The following KCNIP4 variants were observed in gnomAD, a reference collection of about 807,000 sequenced individuals.
The protein encoded by KCNIP4 is Kv channel-interacting protein 4.
In KCNIP4, 12 loss-of-function variants were observed where a neutral mutation model predicts 34.0. That is an observed-to-expected ratio of 0.35 (90% CI 0.23 to 0.57). KCNIP4 has a LOEUF of 0.57. KCNIP4 is among the 20% of genes least tolerant of loss of function. The pLI is 0.83. For missense variants in KCNIP4, 238 were observed against 311.7 expected, an observed-to-expected ratio of 0.76 and a Z score of 1.78; for synonymous variants, 124 against 102.2, an observed-to-expected ratio of 1.21 and a Z score of -1.29.
At position 21,948,676 on chromosome 4, in the gene KCNIP4, G is replaced by T. The variant is rs1730640645; in HGVS notation, c.-45C>A. On this transcript the variant is annotated 5_prime_UTR_variant, in exon 1 of 9. Transcript: ENST00000382152. ...AGAAGCGAGACTCGAGAGTCCACCG[G>T]CCAGGGGCGTCTGTCCACGGGTCTG... The T allele has an allele frequency of 6.3e-7, 1 of 1,596,922 alleles. No homozygotes were observed. The highest frequency in any genetic ancestry group is 2.3e-5 in the East Asian group (1 of 44,312).
intron 1 of KCNIP4, among the ~76,000 whole-genome samples, chr4:21,128,882 G>A (rs978019447): frequency 1.3e-5 from 2 of 152,194 alleles, no homozygotes; most frequent in East Asian, 1.9e-4. Context: ...AGTATTTGGA[G>A]CCAGGCGCTT....
intron 1 of KCNIP4, among the ~76,000 whole-genome samples, chr4:21,867,793 A>G (rs1488342161): frequency 6.6e-6 from 1 of 152,218 alleles, no homozygotes; most frequent in Admixed American, 6.5e-5. Flanking sequence ...CTTTTCATCA[A>G]TATCAATCTT....
intron 1 of KCNIP4, among the ~76,000 whole-genome samples, chr4:21,799,842 T>G (rs1307869854): frequency 1.3e-5 from 2 of 152,280 alleles, no homozygotes; most frequent in South Asian, 2.1e-4. Flanking sequence ...CTGCTTATAT[T>G]TGTAAATAAA....
At chr4:21,203,918 C>T (rs1488055170) in intron 1 of KCNIP4, among the ~76,000 whole-genome samples, 1 of 152,212 alleles carries the variant, frequency 6.6e-6, no homozygotes, top group Non-Finnish European at 1.5e-5. Flanking sequence ...CCGGGAAGGG[C>T]TGCTTCTCTT....
intron 1 of KCNIP4, among the ~76,000 whole-genome samples, chr4:21,513,313 C>A (rs1425686445): frequency 6.6e-6 from 1 of 152,168 alleles, no homozygotes. Flanking sequence ...AGGCAAATAA[C>A]TTAACAGCTC....
intron 1 of KCNIP4, among the ~76,000 whole-genome samples, chr4:21,087,215 C>A (rs1158498230): frequency 6.7e-6 from 1 of 149,610 alleles, no homozygotes; most frequent in African/African-American, 2.5e-5. Flanking sequence ...CTTGCTCTGC[C>A]ACCCAGGCTG....
At chr4:20,739,036 A>C (rs1230638716) in intron 5 of KCNIP4, among the ~76,000 whole-genome samples, 1 of 152,190 alleles carries the variant, frequency 6.6e-6, no homozygotes, top group Non-Finnish European at 1.5e-5. Flanking sequence ...AGTGAGGCTG[A>C]GGGAGGGGCG....
chr4:21,385,525 C>A (rs1424208551), intron 1 of KCNIP4, among the ~76,000 whole-genome samples: 1 of 152,144 alleles, frequency 6.6e-6, no homozygotes, highest in Non-Finnish European at 1.5e-5. Context: ...ATTGACTTTT[C>A]TTCTTTAAAA....
At chr4:20,916,985 T>TTTTATATA (rs1560568123) in intron 1 of KCNIP4, among the ~76,000 whole-genome samples, 3 of 41,390 alleles carry the variant, frequency 7.2e-5, no homozygotes, top group African/African-American at 1.3e-4. Flanking sequence ...CATCTTATGT[T>TTTTATATA]TATATATATA....
chr4:21,746,126 C>T (rs1455049910), intron 1 of KCNIP4, among the ~76,000 whole-genome samples: 3 of 152,110 alleles, frequency 2.0e-5, no homozygotes, highest in East Asian at 1.9e-4. Flanking sequence ...GTCCTAATTT[C>T]CTCCTCTTAT....
intron 1 of KCNIP4, among the ~76,000 whole-genome samples, chr4:21,708,940 A>T (rs1024910339): frequency 2.6e-5 from 4 of 152,180 alleles, no homozygotes; most frequent in Non-Finnish European, 2.9e-5. Flanking sequence ...AAACTTTCGA[A>T]TTCAGCATGC....
chr4:21,378,105 T>A (rs1361475515), intron 1 of KCNIP4, among the ~76,000 whole-genome samples: 1 of 152,162 alleles, frequency 6.6e-6, no homozygotes, highest in Non-Finnish European at 1.5e-5. Flanking sequence ...CTATCTAGGT[T>A]ACACTTAATA....
intron 1 of KCNIP4, among the ~76,000 whole-genome samples, chr4:21,234,084 C>T (rs1331492040): frequency 6.1e-5 from 5 of 82,634 alleles, no homozygotes; most frequent in Admixed American, 3.0e-4. Flanking sequence ...TAACATATAA[C>T]GTATATTATA....
chr4:21,617,450 C>A (rs182065787), intron 1 of KCNIP4, among the ~76,000 whole-genome samples: 1 of 152,048 alleles, frequency 6.6e-6, no homozygotes, highest in African/African-American at 2.4e-5. Flanking sequence ...TTAGAGGACA[C>A]GTTTTCCTTT....
At chr4:21,609,483 T>A (rs1280595006) in intron 1 of KCNIP4, among the ~76,000 whole-genome samples, 1 of 152,204 alleles carries the variant, frequency 6.6e-6, no homozygotes, top group Non-Finnish European at 1.5e-5. Flanking sequence ...ACAGCCTGTA[T>A]GTCTATTTTT....
At chr4:21,187,636 A>G (rs1755334931) in intron 1 of KCNIP4, among the ~76,000 whole-genome samples, 1 of 152,184 alleles carries the variant, frequency 6.6e-6, no homozygotes, top group South Asian at 2.1e-4. Flanking sequence ...CCTGTAGGTC[A>G]AACTGGTTAC....
chr4:21,149,759 C>T (rs898940143), intron 1 of KCNIP4, among the ~76,000 whole-genome samples: 8 of 151,742 alleles, frequency 5.3e-5, no homozygotes, highest in Admixed American at 1.3e-4. Context: ...GAAAAGAGGA[C>T]GATGAGTTGC....
intron 1 of KCNIP4, among the ~76,000 whole-genome samples, chr4:21,177,948 A>C (rs1754547873): frequency 6.6e-6 from 1 of 151,686 alleles, no homozygotes. Flanking sequence ...TTTACAGGTT[A>C]TTATACTTTT....
intron 1 of KCNIP4, among the ~76,000 whole-genome samples, chr4:21,932,340 C>A (rs1729617605): frequency 6.6e-6 from 1 of 152,028 alleles, no homozygotes; most frequent in Non-Finnish European, 1.5e-5. Context: ...AAGTTCTCAG[C>A]TGGAACAGGA....
Sources: allele counts gnomAD v4.1 joint callset (sites outside exome capture counted in the v4.1 genomes callset), GRCh38; gene constraint gnomAD v4.1.1; transcripts MANE v1.5; gene names NCBI Gene and HGNC (gene_info 2026-07-23, HGNC 2026-07-21).